Variants in ARSG observed in about 807,000 individuals in gnomAD.
ARSG encodes the protein ASG.
In ARSG, 37 loss-of-function variants were observed where a neutral mutation model predicts 50.5. That is an observed-to-expected ratio of 0.73 (90% confidence interval 0.56 to 0.96). The LOEUF is 0.96. Ranked by LOEUF, ARSG falls within the 50% of genes least tolerant of loss-of-function variation. ARSG has a pLI of 0.00. For missense variants in ARSG, 629 were observed against 675.3 expected (o/e 0.93, Z 0.76); for synonymous variants, 225 against 254.6 (o/e 0.88, Z 1.11).
At chr17:68,413,463 C>G (rs933716767) in intron 11 of ARSG, among the ~76,000 whole-genome samples, 13 of 152,338 alleles carry the variant, frequency 8.5e-5, no homozygotes, top group Admixed American at 7.2e-4. Context: ...AGGAGGCAGT[C>G]TGCCCGTTCT....
At chr17:68,274,293 C>T (rs1220906463) in intron 1 of ARSG, 3 of 397,482 alleles carry the variant, frequency 7.5e-6, no homozygotes, top group Non-Finnish European at 1.4e-5. Flanking sequence ...TGGTGAAACC[C>T]CGTCTCTACA....
chr17:68,346,006 G>T (rs911629708), intron 3 of ARSG, among the ~76,000 whole-genome samples: 6 of 152,106 alleles, frequency 3.9e-5, no homozygotes, highest in Non-Finnish European at 8.8e-5. Context: ...CTCCCGAGTA[G>T]TTGGGATTAC....
At chr17:68,444,821 A>ATTGT in the ARSG span, among the ~76,000 whole-genome samples, 1 of 151,544 alleles carries the variant, frequency 6.6e-6, no homozygotes, top group Non-Finnish European at 1.5e-5. Flanking sequence ...AGAAATTAAG[A>ATTGT]TTGTTTTTAC....
At chr17:68,382,992 T>G (rs1358015612) in intron 8 of ARSG, among the ~76,000 whole-genome samples, 1 of 152,238 alleles carries the variant, frequency 6.6e-6, no homozygotes, top group Non-Finnish European at 1.5e-5. Flanking sequence ...TTTCTCCTAA[T>G]TCCTGAATCT....
chr17:68,324,089 AAAG>A, intron 2 of ARSG, among the ~76,000 whole-genome samples: 1 of 151,248 alleles, frequency 6.6e-6, no homozygotes, highest in African/African-American at 2.4e-5. Context: ...AAAAAAAAAA[AAAG>A]TTAATCTACA....
chr17:68,362,688 C>T lies in ARSG; in HGVS notation c.705-5860C>T, dbSNP rs1391620329. Among the ~76,000 whole-genome samples, 2 of 152,190 alleles carry T rather than the reference C, an allele frequency of 1.3e-5. 1 individual carries two copies. Among genetic ancestry groups the T allele is most frequent in the East Asian group, 3.8e-4 (2 of 5,202 alleles). On this transcript the variant is annotated intron_variant, in intron 6 of 11. Transcript: ENST00000621439. ...ACTTAACCGGCTGAGCATCCCTAATCCTCCCATGAGTATTTCCTTTGAGTG... is the reference window on the plus strand; with the variant it reads ...ACTTAACCGGCTGAGCATCCCTAATTCTCCCATGAGTATTTCCTTTGAGTG...
chr17:68,393,833 C>T (rs1216086452), intron 9 of ARSG, among the ~76,000 whole-genome samples: 6 of 146,712 alleles, frequency 4.1e-5, no homozygotes, highest in Non-Finnish European at 4.4e-5. Flanking sequence ...CAACACTGCA[C>T]CTCCAGCCTG....
At chr17:68,309,421 G>T (rs1036076157) in intron 2 of ARSG, among the ~76,000 whole-genome samples, 1 of 152,222 alleles carries the variant, frequency 6.6e-6, no homozygotes, top group Non-Finnish European at 1.5e-5. Flanking sequence ...CAGAGGAGGC[G>T]CCGAGAGCGA....
At chr17:68,338,594 C>T (rs1017491790) in intron 2 of ARSG, among the ~76,000 whole-genome samples, 1 of 152,174 alleles carries the variant, frequency 6.6e-6, no homozygotes, top group Non-Finnish European at 1.5e-5. Context: ...CTGGATTTGC[C>T]TGGATACAAA....
In ARSG at chr17:68,349,905, G is replaced by A. The variant is rs371390194; in HGVS notation, c.455-1670G>A. ...TCAAAAAGAAAAAAAAATACGACAA[G>A]CATCTACTAGTTATTCTACATACAC... On this transcript the variant is annotated intron_variant, in intron 4 of 11. Transcript: ENST00000621439. Among the ~76,000 whole-genome samples the A allele has an allele frequency of 8.1e-4, 124 of 152,210 alleles. 1 individual carries two copies. Among genetic ancestry groups the A allele is most frequent in the African/African-American group, 2.9e-3 (122 of 41,544 alleles).
chr17:68,367,473 T>C lies in ARSG; in HGVS notation c.705-1075T>C, dbSNP rs75956467. ...ACTCTGTACTCTCCCAATACCCTTGTTTGGTGTCCTCTGAAAGACCCCCCA... is the reference window on the plus strand; with the variant it reads ...ACTCTGTACTCTCCCAATACCCTTGCTTGGTGTCCTCTGAAAGACCCCCCA... On this transcript the variant is annotated intron_variant, in intron 6 of 11. Coordinates refer to ENST00000621439, the MANE Select transcript of ARSG (RefSeq NM_001267727.2). The surrounding 1 kb of genome is among the most constrained non-coding windows in gnomAD (Gnocchi z 4.5). 3.7e-3 allele frequency among the ~76,000 whole-genome samples: 570 copies of C among 152,278 alleles called. 4 individuals are homozygous for C. Among genetic ancestry groups the C allele is most frequent in the African/African-American group, 0.013 (536 of 41,558 alleles).
At chr17:68,296,737 C>T (rs2076222713) in intron 1 of ARSG, among the ~76,000 whole-genome samples, 2 of 152,220 alleles carry the variant, frequency 1.3e-5, no homozygotes, top group South Asian at 4.1e-4. Flanking sequence ...CTGCTGTTGT[C>T]TCCCAGGCCA....
chr17:68,450,511 C>G, the ARSG span, among the ~76,000 whole-genome samples: 1 of 152,226 alleles, frequency 6.6e-6, no homozygotes, highest in Non-Finnish European at 1.5e-5. Context: ...GACCAACGTT[C>G]TGGAAACATG....
At chr17:68,330,457 G>A (rs1420538223) in intron 2 of ARSG, among the ~76,000 whole-genome samples, 1 of 152,124 alleles carries the variant, frequency 6.6e-6, no homozygotes, top group Non-Finnish European at 1.5e-5. Context: ...TGAGCAGATA[G>A]ATGGAGAGAA....
chr17:68,418,929 G>A (rs2082566834), intron 11 of ARSG, among the ~76,000 whole-genome samples: 1 of 151,378 alleles, frequency 6.6e-6, no homozygotes, highest in Non-Finnish European at 1.5e-5. Flanking sequence ...AATTTTGAGG[G>A]CTATCTTTTG....
intron 1 of ARSG, chr17:68,274,111 CT>C: frequency 1.9e-6 from 3 of 1,597,702 alleles, no homozygotes; most frequent in Non-Finnish European, 2.6e-6. Flanking sequence ...CTCACAGAGG[CT>C]TCAGGGTTAG....
intron 9 of ARSG, among the ~76,000 whole-genome samples, chr17:68,389,352 G>A (rs2080884463): frequency 6.6e-6 from 1 of 152,166 alleles, no homozygotes; most frequent in African/African-American, 2.4e-5. Context: ...TGTGGCTGGG[G>A]CTATGCTGGC....
At chr17:68,368,078 A>G (rs987482897) in intron 6 of ARSG, among the ~76,000 whole-genome samples, 21 of 152,212 alleles carry the variant, frequency 1.4e-4, no homozygotes, top group African/African-American at 5.1e-4. Flanking sequence ...CTCCAAAAAA[A>G]AGAAAGAAAG....
intron 8 of ARSG, among the ~76,000 whole-genome samples, chr17:68,379,479 G>A (rs1257257320): frequency 9.2e-6 from 1 of 109,230 alleles, no homozygotes; most frequent in Non-Finnish European, 1.7e-5. Context: ...GGTCTTGCTT[G>A]TTGCCCAGGC....
Sources: allele counts gnomAD v4.1 joint callset (sites outside exome capture counted in the v4.1 genomes callset), GRCh38; gene constraint gnomAD v4.1.1; non-coding constraint Gnocchi (gnomAD v3.1); transcripts MANE v1.5; gene names NCBI Gene and HGNC (gene_info 2026-07-23, HGNC 2026-07-21).